Variants in PIEZO2 observed in about 807,000 individuals in gnomAD.
The protein encoded by PIEZO2 is piezo-type mechanosensitive ion channel component 2.
A neutral mutation model predicts 337.3 loss-of-function variants in PIEZO2; 172 were observed. The observed-to-expected ratio is 0.51, with a 90% CI of 0.45 to 0.58. The LOEUF (loss-of-function observed/expected upper bound fraction) is 0.58, where lower values mean the gene tolerates loss of function less well. PIEZO2 is among the 20% of genes least tolerant of loss of function. The probability of loss-of-function intolerance (pLI) is 0.00; values close to 1 mark genes in which losing one functional copy is unlikely to be tolerated. For missense variants in PIEZO2, 3,028 were observed against 3,391.3 expected (o/e 0.89, Z 2.66); for synonymous variants, 1,251 against 1,228.5 (o/e 1.02, Z -0.38).
chr18:10,829,683 GA>G (rs1598547343), intron 7 of PIEZO2, among the ~76,000 whole-genome samples: 1 of 151,882 alleles, frequency 6.6e-6, no homozygotes, highest in African/African-American at 2.4e-5. Context: ...AAGAAAACAA[GA>G]AAGTGATCAC....
chr18:10,925,898 GT>G (rs5823124), intron 3 of PIEZO2, among the ~76,000 whole-genome samples: 1 of 151,964 alleles, frequency 6.6e-6, no homozygotes, highest in Non-Finnish European at 1.5e-5. Flanking sequence ...AGTGTTTTTT[GT>G]TTTTTGTTTC....
chr18:10,915,377 GTCACCTATTCTCATTT>G lies in PIEZO2; in HGVS notation c.287-4165_287-4150del, dbSNP rs1187292157. 5.4e-5 allele frequency among the ~76,000 whole-genome samples: 8 copies of G among 149,100 alleles called. No homozygotes were observed. In the East Asian group the frequency reaches 1.6e-3, roughly 29 times the overall value. On this transcript the variant is annotated intron_variant, in intron 3 of 55. Transcript: ENST00000674853. ...TTACAGGGAAGAAAAAATAACCTGG[GTCACCTATTCTCATTT>G]TAAGTCGGGGCTCTGATACCTGTAT...
At chr18:11,082,675 A>T (rs573390545) in intron 1 of PIEZO2, among the ~76,000 whole-genome samples, 1 of 152,276 alleles carries the variant, frequency 6.6e-6, no homozygotes, top group South Asian at 2.1e-4. Context: ...TAATTCTTAA[A>T]GTTTTTTTTA....
intron 7 of PIEZO2, among the ~76,000 whole-genome samples, chr18:10,823,015 A>G (rs2040566043): frequency 6.6e-6 from 1 of 152,204 alleles, no homozygotes; most frequent in Admixed American, 6.5e-5. Flanking sequence ...TACTAAGATG[A>G]TTTGAAAATG....
rs35909559 is a variant in PIEZO2, at chr18:11,031,166, A to AT, written c.160+34960dup. 0.19 allele frequency among the ~76,000 whole-genome samples: 26,920 copies of AT among 140,212 alleles called. 2,905 individuals are homozygous for AT. The highest frequency in any genetic ancestry group is 0.31 in the African/African-American group (11,846 of 38,294). The allele number at this position is 140,212 out of a possible 152,430, so 92.0% of individuals were successfully genotyped here. On this transcript the variant is annotated intron_variant, in intron 2 of 55. Transcript: ENST00000674853. This position sits in a 1 kb window ranked among gnomAD's most constrained non-coding sequence, Gnocchi z 4.7. ...CACCATGCCTGGCTAATTTTTTTGT[A>AT]TTTTTTTTTTTTTTAGTGGAGATGG...
chr18:10,781,641 C>T lies in PIEZO2; in HGVS notation c.2493-1275G>A, dbSNP rs1166339445. On this transcript the variant is annotated intron_variant, in intron 17 of 55. Coordinates refer to ENST00000674853, the MANE Select transcript of PIEZO2 (RefSeq NM_001378183.1). This position sits in a 1 kb window ranked among gnomAD's most constrained non-coding sequence, Gnocchi z 4.1. ...ATTGCCTCCTTAGGAATAATAATTTCTTCCTATATTATTACATTTTCATAA... is the reference window on the plus strand; with the variant it reads ...ATTGCCTCCTTAGGAATAATAATTTTTTCCTATATTATTACATTTTCATAA... 1.3e-5 allele frequency among the ~76,000 whole-genome samples: 2 copies of T among 151,952 alleles called. No homozygotes were observed. Among genetic ancestry groups the T allele is most frequent in the South Asian group, 4.1e-4 (2 of 4,820 alleles).
chr18:10,927,128 C>T (rs917831138), intron 3 of PIEZO2, among the ~76,000 whole-genome samples: 1 of 152,244 alleles, frequency 6.6e-6, no homozygotes, highest in South Asian at 2.1e-4. Context: ...CTTTGCTTCG[C>T]ATCCTCTGTT....
chr18:10,721,174 G>T (rs1324259040), intron 36 of PIEZO2, among the ~76,000 whole-genome samples: 2 of 152,194 alleles, frequency 1.3e-5, no homozygotes, highest in African/African-American at 4.8e-5. Flanking sequence ...ATGGCTGTGT[G>T]ACCTCCGGCA....
chr18:10,693,534 A>ATT (rs57545072), intron 47 of PIEZO2, among the ~76,000 whole-genome samples: 41,967 of 146,382 alleles, frequency 0.29, 6,205 homozygotes, highest in Non-Finnish European at 0.36. Context: ...CACATAAGGC[A>ATT]TTTTTTTTTT....
chr18:10,931,671 C>T (rs752114201), intron 3 of PIEZO2, among the ~76,000 whole-genome samples: 1 of 151,292 alleles, frequency 6.6e-6, no homozygotes, highest in Non-Finnish European at 1.5e-5. Flanking sequence ...CTCTCTCCCT[C>T]TCATTCTCTC....
In PIEZO2 at chr18:10,797,305, G is replaced by A. The variant is rs35610200; in HGVS notation, c.1527+69C>T. On this transcript the variant is annotated intron_variant, in intron 12 of 55. Coordinates refer to ENST00000674853, the MANE Select transcript of PIEZO2 (RefSeq NM_001378183.1). ...TATGTACCATCATATTATACATACC[G>A]TCATGGCACACATACCATCATATCA... 169,553 of 1,241,516 alleles carry A rather than the reference G, an allele frequency of 0.14. 29,099 individuals are homozygous for A. Among genetic ancestry groups the A allele is most frequent in the Middle Eastern group, 0.21 (946 of 4,432 alleles). The allele number at this position is 1,241,516 out of a possible 1,614,324, so 76.9% of individuals were successfully genotyped here.
chr18:11,127,611 T>C lies in PIEZO2; in HGVS notation c.64+20914A>G, dbSNP rs977642195. 1.3e-5 allele frequency among the ~76,000 whole-genome samples: 2 copies of C among 152,098 alleles called. No individual in the cohort carries two copies. The highest frequency in any genetic ancestry group is 2.4e-5 in the African/African-American group (1 of 41,408). On this transcript the variant is annotated intron_variant, in intron 1 of 55. Transcript: ENST00000674853. The surrounding 1 kb of genome is among the most constrained non-coding windows in gnomAD (Gnocchi z 4.5). ...GTTTCGAGACTCAGACTGGCTCTCC[T>C]TGCTCCTCAGCTTGCAGAAAGCCTA...
chr18:10,725,180 A>C (rs1391079509), intron 36 of PIEZO2: 1 of 1,533,938 alleles, frequency 6.5e-7, no homozygotes, highest in African/African-American at 1.4e-5. Context: ...CAGTTCATCC[A>C]TCAGGCAGTT....
chr18:11,113,705 A>T (rs2039802915), intron 1 of PIEZO2, among the ~76,000 whole-genome samples: 1 of 152,196 alleles, frequency 6.6e-6, no homozygotes, highest in East Asian at 1.9e-4. Flanking sequence ...GACAAAAGGA[A>T]CTACTCAAAT....
At chr18:10,809,866 G>A (rs1318162870) in intron 7 of PIEZO2, among the ~76,000 whole-genome samples, 1 of 152,174 alleles carries the variant, frequency 6.6e-6, no homozygotes. Context: ...CTCTCTTTCA[G>A]TGGGTGGTGG....
rs1488909922 is a variant in PIEZO2, at chr18:10,982,256, C to CAT, written c.161-2598_161-2597dup. On this transcript the variant is annotated intron_variant, in intron 2 of 55. Transcript: ENST00000674853. This position sits in a 1 kb window ranked among gnomAD's most constrained non-coding sequence, Gnocchi z 4.1. ...AGGGACAGGACTAATAAGATAGATGCATATATCAAAGGGAGTTTATTAAGG... is the reference window on the plus strand; with the variant it reads ...AGGGACAGGACTAATAAGATAGATGCATATATATCAAAGGGAGTTTATTAAGG... 6.6e-6 allele frequency among the ~76,000 whole-genome samples: 1 copy of CAT among 151,822 alleles called. No individual in the cohort carries two copies. The highest frequency in any genetic ancestry group is 1.5e-5 in the Non-Finnish European group (1 of 68,012).
chr18:10,800,149 T>C (rs1247882852), intron 11 of PIEZO2, among the ~76,000 whole-genome samples, 188 bp downstream of exon 11: 1 of 152,176 alleles, frequency 6.6e-6, no homozygotes, highest in Non-Finnish European at 1.5e-5. Flanking sequence ...TTACTTTGTA[T>C]ACAAGGATAG....
Position 10,683,807 on chromosome 18 carries a change from A to G in PIEZO2, c.7498-1515T>C, listed in dbSNP as rs58878732. ...TTTGCAAGTTAAAGAAGATTAATGT[A>G]TCTCTGCCAAGGGCGGTTTTAGTCT... On this transcript the variant is annotated intron_variant, in intron 49 of 55. Coordinates refer to ENST00000674853, the MANE Select transcript of PIEZO2 (RefSeq NM_001378183.1). 2.4e-3 allele frequency among the ~76,000 whole-genome samples: 361 copies of G among 152,304 alleles called. 10 individuals carry two copies. The East Asian group carries it at 0.057, about 24-fold the overall frequency.
rs1201336040 is a variant in PIEZO2, at chr18:10,794,317, G to A, written c.1758+455C>T. Among the ~76,000 whole-genome samples, 1 of 152,096 alleles carries A rather than the reference G, an allele frequency of 6.6e-6. No individual in the cohort carries two copies. Among genetic ancestry groups the A allele is most frequent in the Non-Finnish European group, 1.5e-5 (1 of 68,008 alleles). ...ACAGCAAGTGTCATACTTCATTTTT[G>A]CTGCTAAAAATGTTCTTTAGGAAAG... On this transcript the variant is annotated intron_variant, in intron 13 of 55. Coordinates refer to ENST00000674853, the MANE Select transcript of PIEZO2 (RefSeq NM_001378183.1). This position sits in a 1 kb window ranked among gnomAD's most constrained non-coding sequence, Gnocchi z 6.6.
Sources: allele counts gnomAD v4.1 joint callset (sites outside exome capture counted in the v4.1 genomes callset), GRCh38; gene constraint gnomAD v4.1.1; non-coding constraint Gnocchi (gnomAD v3.1); transcripts MANE v1.5; gene names NCBI Gene and HGNC (gene_info 2026-07-23, HGNC 2026-07-21).